ROBO2: variants seen among roughly 807,000 people sequenced by gnomAD.
ROBO2 encodes the protein roundabout guidance receptor 2, also known as roundabout homolog 2.
A neutral mutation model predicts 160.8 loss-of-function variants in ROBO2; 53 were observed. The ratio of observed to expected loss-of-function variants is 0.33; its 90% CI spans 0.26 to 0.41. The LOEUF (loss-of-function observed/expected upper bound fraction) is 0.41. Ranked by LOEUF, ROBO2 falls within the 10% of genes least tolerant of loss-of-function variation. ROBO2 has a pLI of 1.00. For synonymous variants in ROBO2, 664 were observed against 611.7 expected (o/e 1.09, Z -1.26); for missense variants, 1,577 against 1,722.4 (o/e 0.92, Z 1.49).
At chr3:77,553,037 T>C (rs2092975637) in intron 8 of ROBO2, among the ~76,000 whole-genome samples, 1 of 151,968 alleles carries the variant, frequency 6.6e-6, no homozygotes, top group Non-Finnish European at 1.5e-5. Flanking sequence ...ACTTTGCAGA[T>C]ACCATGGTTT....
intron 2 of ROBO2, among the ~76,000 whole-genome samples, chr3:76,144,540 A>G (rs188006188): frequency 1.6e-4 from 25 of 152,206 alleles, no homozygotes; most frequent in Admixed American, 5.9e-4. Flanking sequence ...ATACATCCCT[A>G]TGTGAATTAA....
intron 2 of ROBO2, among the ~76,000 whole-genome samples, chr3:76,306,950 T>A (rs1050164835): frequency 1.3e-5 from 2 of 152,218 alleles, no homozygotes; most frequent in Admixed American, 6.5e-5. Flanking sequence ...CCCATTTTTT[T>A]AAACTCATTT....
At chr3:76,148,359 C>T (rs2071999941) in intron 2 of ROBO2, among the ~76,000 whole-genome samples, 1 of 151,976 alleles carries the variant, frequency 6.6e-6, no homozygotes, top group Non-Finnish European at 1.5e-5. Context: ...AATTTTTCCC[C>T]ATTGATTACC....
intron 2 of ROBO2, chr3:76,434,169 T>C: frequency 8.7e-7 from 1 of 1,155,618 alleles, no homozygotes; most frequent in African/African-American, 1.5e-5. Flanking sequence ...TGTGGCAGAG[T>C]ATTTGAAGAT....
At chr3:76,950,441 T>C (rs2078888973) in intron 2 of ROBO2, among the ~76,000 whole-genome samples, 1 of 152,232 alleles carries the variant, frequency 6.6e-6, no homozygotes, top group Non-Finnish European at 1.5e-5. Flanking sequence ...ACAGTCATTC[T>C]TATTCTGAAG....
chr3:77,291,249 C>A (rs1378074493), intron 2 of ROBO2, among the ~76,000 whole-genome samples: 8 of 143,862 alleles, frequency 5.6e-5, no homozygotes, highest in African/African-American at 2.2e-4. Context: ...GTAAAATTGA[C>A]GGTTAAACGG....
intron 6 of ROBO2, among the ~76,000 whole-genome samples, chr3:77,545,675 G>A (rs2092670437): frequency 6.6e-6 from 1 of 151,914 alleles, no homozygotes; most frequent in Non-Finnish European, 1.5e-5. Context: ...TGCCCAGTAG[G>A]GGAACATAGT....
intron 2 of ROBO2, among the ~76,000 whole-genome samples, chr3:76,329,756 G>A (rs1415155177): frequency 6.6e-6 from 1 of 152,212 alleles, no homozygotes; most frequent in Non-Finnish European, 1.5e-5. Context: ...AAATTTTGAA[G>A]TAAATTTCTT....
At chr3:77,622,203 T>C in intron 22 of ROBO2, 24 bp from the exon 24 acceptor site, 1 of 1,609,336 alleles carries the variant, frequency 6.2e-7, no homozygotes, top group South Asian at 1.1e-5. Flanking sequence ...TGCTTTTCTT[T>C]TTTAAATTTC....
intron 2 of ROBO2, among the ~76,000 whole-genome samples, chr3:76,465,218 T>C (rs1210284404): frequency 6.6e-6 from 1 of 152,064 alleles, no homozygotes; most frequent in Non-Finnish European, 1.5e-5. Flanking sequence ...TCTATCCAGA[T>C]ATCTTAAGAT....
chr3:77,582,700 A>G (rs771552903), intron 16 of ROBO2, among the ~76,000 whole-genome samples: 55 of 151,860 alleles, frequency 3.6e-4, no homozygotes, highest in Non-Finnish European at 6.5e-4. Flanking sequence ...TGTTGTTGTT[A>G]TTATTATACC....
intron 2 of ROBO2, among the ~76,000 whole-genome samples, chr3:76,015,262 A>T (rs980155640): frequency 1.3e-5 from 2 of 152,234 alleles, no homozygotes; most frequent in African/African-American, 2.4e-5. Context: ...AGTTCAGAGG[A>T]AGTCATATGC....
chr3:77,599,680 CA>C (rs558078112), intron 19 of ROBO2, among the ~76,000 whole-genome samples: 191 of 150,252 alleles, frequency 1.3e-3, no homozygotes, highest in African/African-American at 3.3e-3. Flanking sequence ...TAAAATTTGG[CA>C]AAAAAAAGAA....
intron 2 of ROBO2, among the ~76,000 whole-genome samples, chr3:77,399,228 A>G (rs1378348301): frequency 6.6e-6 from 1 of 152,198 alleles, no homozygotes; most frequent in Non-Finnish European, 1.5e-5. Context: ...ACATGCTTTG[A>G]GTGAATGATA....
chr3:76,261,824 T>C (rs927002335), intron 2 of ROBO2, among the ~76,000 whole-genome samples: 4 of 152,118 alleles, frequency 2.6e-5, no homozygotes, highest in Non-Finnish European at 5.9e-5. Flanking sequence ...ACTATTTATA[T>C]TTCATAGTAG....
At chr3:76,838,847 A>C (rs2067961211) in intron 2 of ROBO2, among the ~76,000 whole-genome samples, 1 of 152,134 alleles carries the variant, frequency 6.6e-6, no homozygotes, top group Non-Finnish European at 1.5e-5. Context: ...TATGGTGGAT[A>C]AACATGGTAC....
chr3:76,315,544 C>T (rs1393658118), intron 2 of ROBO2, among the ~76,000 whole-genome samples: 1 of 152,014 alleles, frequency 6.6e-6, no homozygotes, highest in Non-Finnish European at 1.5e-5. Flanking sequence ...CTGCATGGTC[C>T]CATCTAATAC....
At chr3:76,630,984 C>A (rs1188687586) in intron 2 of ROBO2, among the ~76,000 whole-genome samples, 1 of 152,076 alleles carries the variant, frequency 6.6e-6, no homozygotes, top group Non-Finnish European at 1.5e-5. Flanking sequence ...AGAAAGTAAC[C>A]ATCCAGAGTG....
At chr3:76,828,136 G>T (rs1404065449) in intron 2 of ROBO2, among the ~76,000 whole-genome samples, 2 of 152,120 alleles carry the variant, frequency 1.3e-5, no homozygotes, top group Non-Finnish European at 2.9e-5. Flanking sequence ...AATCTGGAGA[G>T]ACCTGAGTTC....
Sources: gnomAD v4.1 joint callset for allele counts (sites outside exome capture counted in the v4.1 genomes callset) on GRCh38, gnomAD v4.1.1 for gene constraint, MANE v1.5 for transcripts, NCBI Gene and HGNC (gene_info 2026-07-23, HGNC 2026-07-21) for gene names.